RIMBP2: variants seen among roughly 807,000 people sequenced by gnomAD.
RIMBP2 encodes RIMS-binding protein 2.
In RIMBP2, 48 loss-of-function variants were observed where a neutral mutation model predicts 118.6. That is an observed-to-expected ratio of 0.40 (90% CI 0.32 to 0.51). The LOEUF (loss-of-function observed/expected upper bound fraction) is 0.51. RIMBP2 is among the 20% of genes least tolerant of loss of function. RIMBP2 has a pLI of 0.41. For missense variants in RIMBP2, 1,551 were observed against 1,768.3 expected (o/e 0.88, Z 2.20); for synonymous variants, 762 against 742.9 (o/e 1.03, Z -0.42).
In RIMBP2 at chr12:130,434,605, C is replaced by T; in HGVS notation, c.2253+129G>A. ...AACCTAGCACGACTTAGGACCCCAG[C>T]TGGGCGTCTCCATCTCTCTCAGGGA... On this transcript the variant is annotated intron_variant, in intron 14 of 22. Transcript: ENST00000690449. This position sits in a 1 kb window ranked among gnomAD's most constrained non-coding sequence, Gnocchi z 5.7. The T allele has an allele frequency of 1.0e-6, 1 of 959,892 alleles. No homozygotes were observed. Among genetic ancestry groups the T allele is most frequent in the South Asian group, 1.8e-5 (1 of 56,966 alleles). The allele number at this position is 959,892 out of a possible 1,614,324, so 59.5% of individuals were successfully genotyped here. A position where few individuals can be genotyped will look rare whatever the true frequency, so the allele number is the denominator to read the frequency against.
intron 10 of RIMBP2, among the ~76,000 whole-genome samples, chr12:130,443,887 G>A (rs537664313): frequency 4.6e-5 from 7 of 152,282 alleles, no homozygotes; most frequent in East Asian, 1.9e-4. Flanking sequence ...TCCGAAGACC[G>A]TCGTATCTAT....
chr12:130,708,513 C>A (rs1159485887), intron 1 of RIMBP2, among the ~76,000 whole-genome samples: 1 of 152,046 alleles, frequency 6.6e-6, no homozygotes, highest in Non-Finnish European at 1.5e-5. Flanking sequence ...CATAGCAAGA[C>A]CCTGTCTCTA....
At chr12:130,456,032 C>T (rs534005610) in intron 7 of RIMBP2, among the ~76,000 whole-genome samples, 1 of 152,166 alleles carries the variant, frequency 6.6e-6, no homozygotes, top group Non-Finnish European at 1.5e-5. Context: ...CCAAGCACGT[C>T]CCAACATCAC....
In RIMBP2 at chr12:130,431,600, TTA is replaced by T. The variant is rs2077159248; in HGVS notation, c.2253+3132_2253+3133del. The T allele has an allele frequency of 6.3e-6, 1 of 159,492 alleles. No individual in the cohort carries two copies. The highest frequency in any genetic ancestry group is 6.5e-5 in the Admixed American group (1 of 15,414). 9.9% of individuals were successfully genotyped at this position (159,492 alleles called of 1,614,324 possible). On this transcript the variant is annotated intron_variant, in intron 14 of 22. Coordinates refer to ENST00000690449, the MANE Select transcript of RIMBP2 (RefSeq NM_001393629.1). The surrounding 1 kb of genome is among the most constrained non-coding windows in gnomAD (Gnocchi z 4.0). The stretch of plus-strand genomic sequence containing the variant: ...ATATATATTAACAATTAATATATTG[TTA>T]TATTATTATGTTATGAATACAACAT...
rs560138919 is a variant in RIMBP2, at chr12:130,554,547, T to C, written c.-216-36630A>G. 3.3e-5 allele frequency among the ~76,000 whole-genome samples: 5 copies of C among 150,582 alleles called. No homozygotes were observed. In the East Asian group the frequency reaches 8.0e-4, roughly 24 times the overall value. ...AATGACAGTTACTTAGGCTTACGAA[T>C]ACAGACTAAAAACAACAGAAGTTGT... is the stretch of plus-strand genomic sequence containing the variant. On this transcript the variant is annotated intron_variant, in intron 2 of 22. Coordinates refer to ENST00000690449, the MANE Select transcript of RIMBP2 (RefSeq NM_001393629.1).
intron 18 of RIMBP2, among the ~76,000 whole-genome samples, chr12:130,413,400 C>A (rs35193059): frequency 0.32 from 49,221 of 151,838 alleles, 8,401 homozygotes; most frequent in African/African-American, 0.44. Context: ...GAGGCCAAGG[C>A]GGGCAGATCA....
intron 1 of RIMBP2, among the ~76,000 whole-genome samples, chr12:130,640,972 A>T (rs1214850216): frequency 1.3e-5 from 2 of 152,230 alleles, no homozygotes; most frequent in African/African-American, 4.8e-5. Flanking sequence ...CAACCAAAGA[A>T]AGGGCAGACA....
At chr12:130,500,910 G>A (rs1237657195) in intron 4 of RIMBP2, among the ~76,000 whole-genome samples, 3 of 152,052 alleles carry the variant, frequency 2.0e-5, no homozygotes, top group African/African-American at 7.2e-5. Context: ...TACCACACGC[G>A]TCATCTAATA....
At position 130,424,879 on chromosome 12, in the gene RIMBP2, G is replaced by C. The variant is rs2076676180; in HGVS notation, c.2413-21C>G. On this transcript the variant is annotated intron_variant, in intron 15 of 22. Coordinates refer to ENST00000690449, the MANE Select transcript of RIMBP2 (RefSeq NM_001393629.1). This position sits in a 1 kb window ranked among gnomAD's most constrained non-coding sequence, Gnocchi z 9.8. ...CAGTCCTTACGGGGTGGTGTGTCAA[G>C]AACAGGCGCGGGAAAGAGTGTGTGG... 2 of 1,216,716 alleles carry C rather than the reference G, an allele frequency of 1.6e-6. No homozygotes were observed. The highest frequency in any genetic ancestry group is 4.2e-5 in the Admixed American group (1 of 23,686). 75.4% of individuals were successfully genotyped at this position (1,216,716 alleles called of 1,614,324 possible). A position where few individuals can be genotyped will look rare whatever the true frequency, so the allele number is the denominator to read the frequency against.
chr12:130,504,742 C>T lies in RIMBP2; in HGVS notation c.-4+1906G>A, dbSNP rs76970309. ...ACAGCAGCGATAAGAAACAGACACA[C>T]GGTTTCTGAGCTCAGTACCACTGAC... On this transcript the variant is annotated intron_variant, in intron 4 of 22. Coordinates refer to ENST00000690449, the MANE Select transcript of RIMBP2 (RefSeq NM_001393629.1). Among the ~76,000 whole-genome samples, 479 of 152,212 alleles carry T rather than the reference C, an allele frequency of 3.1e-3. 7 individuals are homozygous for T. The highest frequency in any genetic ancestry group is 0.011 in the African/African-American group (458 of 41,544).
At position 130,576,756 on chromosome 12, in the gene RIMBP2, A is replaced by G. The variant is rs2058111006; in HGVS notation, c.-217+51566T>C. Among the ~76,000 whole-genome samples, 1 of 152,200 alleles carries G rather than the reference A, an allele frequency of 6.6e-6. No homozygotes were observed. Among genetic ancestry groups the G allele is most frequent in the Non-Finnish European group, 1.5e-5 (1 of 68,036 alleles). On this transcript the variant is annotated intron_variant, in intron 2 of 22. Coordinates refer to ENST00000690449, the MANE Select transcript of RIMBP2 (RefSeq NM_001393629.1). The surrounding 1 kb of genome is among the most constrained non-coding windows in gnomAD (Gnocchi z 4.2). ...GCCGAGAGGCATATGTGCGCACCAC[A>G]TGCCACAAACACAAGCTCCGAGTCC...
intron 1 of RIMBP2, among the ~76,000 whole-genome samples, chr12:130,690,351 C>T (rs926606953): frequency 2.0e-5 from 3 of 152,198 alleles, no homozygotes; most frequent in Non-Finnish European, 4.4e-5. Context: ...GGTCTGCCCG[C>T]CACAGAAACT....
At chr12:130,409,911 T>C (rs943628542) in intron 19 of RIMBP2, among the ~76,000 whole-genome samples, 3 of 152,218 alleles carry the variant, frequency 2.0e-5, no homozygotes, top group Non-Finnish European at 4.4e-5. Flanking sequence ...AGTAAGTGTA[T>C]AAGAGGGAAG....
At chr12:130,429,866 G>C (rs1407888090) in intron 14 of RIMBP2, 1 of 152,170 alleles carries the variant, frequency 6.6e-6, no homozygotes, top group East Asian at 1.9e-4. Flanking sequence ...CAGGCTCCAA[G>C]CGGAAGGCAC....
chr12:130,444,457 CA>C (rs1304400171), intron 10 of RIMBP2, among the ~76,000 whole-genome samples: 1 of 152,156 alleles, frequency 6.6e-6, no homozygotes, highest in Non-Finnish European at 1.5e-5. Context: ...TCCTTCTGCT[CA>C]GGGGGAAGAG....
intron 2 of RIMBP2, among the ~76,000 whole-genome samples, chr12:130,608,670 T>A (rs1244544865): frequency 6.6e-6 from 1 of 152,204 alleles, no homozygotes; most frequent in Non-Finnish European, 1.5e-5. Flanking sequence ...CCACTCCTCT[T>A]TAGGACTCTG....
intron 6 of RIMBP2, among the ~76,000 whole-genome samples, chr12:130,467,602 C>T (rs1354426464): frequency 6.6e-6 from 1 of 152,210 alleles, no homozygotes; most frequent in East Asian, 1.9e-4. Context: ...GCCAGCTCTG[C>T]ATGAATTACT....
chr12:130,499,243 T>C (rs979055910), intron 4 of RIMBP2, among the ~76,000 whole-genome samples: 1 of 152,126 alleles, frequency 6.6e-6, no homozygotes, highest in African/African-American at 2.4e-5. Context: ...TTCCCCAACA[T>C]TGAGAACTAC....
At chr12:130,466,881 C>T (rs2080527840) in intron 6 of RIMBP2, among the ~76,000 whole-genome samples, 2 of 152,204 alleles carry the variant, frequency 1.3e-5, no homozygotes, top group African/African-American at 4.8e-5. Context: ...ATTCAATGAG[C>T]CAGACTAAGG....
Sources: gnomAD v4.1 joint callset for allele counts (sites outside exome capture counted in the v4.1 genomes callset) on GRCh38, gnomAD v4.1.1 for gene constraint, Gnocchi (gnomAD v3.1) non-coding constraint, MANE v1.5 for transcripts, NCBI Gene and HGNC (gene_info 2026-07-23, HGNC 2026-07-21) for gene names.